ANKS1B: variants seen among roughly 807,000 people sequenced by gnomAD.
ANKS1B encodes the protein ankyrin repeat and sterile alpha motif domain containing 1B, also known as ankyrin repeat and sterile alpha motif domain-containing protein 1B.
Under a neutral mutation model 148.3 loss-of-function variants are expected in ANKS1B, and 36 were observed. The ratio of observed to expected loss-of-function variants is 0.24; its 90% CI spans 0.19 to 0.32. The LOEUF (loss-of-function observed/expected upper bound fraction) is 0.32. Ranked by LOEUF, ANKS1B falls within the 10% of genes least tolerant of loss-of-function variation. ANKS1B has a pLI of 1.00. For missense variants in ANKS1B, 1,157 were observed against 1,542.6 expected (o/e 0.75, Z 4.19); for synonymous variants, 542 against 560.8 (o/e 0.97, Z 0.47).
chr12:99,962,257 G>C (rs1321817869), intron 1 of ANKS1B, among the ~76,000 whole-genome samples: 2 of 151,938 alleles, frequency 1.3e-5, no homozygotes, highest in African/African-American at 4.8e-5. Context: ...GTGTCCATGT[G>C]TTCTCATTGC....
In ANKS1B at chr12:99,112,489, T is replaced by C. The variant is rs118152344; in HGVS notation, c.2527-27466A>G. Among the ~76,000 whole-genome samples, 722 of 152,050 alleles carry C rather than the reference T, an allele frequency of 4.7e-3. 29 individuals are homozygous for C. In the East Asian group the frequency reaches 0.11, roughly 24 times the overall value. On this transcript the variant is annotated intron_variant, in intron 15 of 26. Transcript: ENST00000683438. ...GATCAACATCTTGTCTTTTTTGTTGTTGTTGTTATTAGTGACATTTATTTT... is the reference window on the plus strand; with the variant it reads ...GATCAACATCTTGTCTTTTTTGTTGCTGTTGTTATTAGTGACATTTATTTT...
chr12:99,085,256 G>T (rs3825267), intron 15 of ANKS1B, among the ~76,000 whole-genome samples: 99,486 of 151,584 alleles, frequency 0.66, 32,898 homozygotes, highest in East Asian at 0.89. Flanking sequence ...ATATCCACAT[G>T]GGGTTATCTG....
chr12:99,798,828 C>A (rs1304691569), intron 4 of ANKS1B, among the ~76,000 whole-genome samples: 1 of 152,030 alleles, frequency 6.6e-6, no homozygotes, highest in East Asian at 1.9e-4. Context: ...CACTTCATAT[C>A]AAAGGAAGCA....
intron 24 of ANKS1B, among the ~76,000 whole-genome samples, chr12:98,779,790 CA>C (rs2098715734): frequency 6.6e-6 from 1 of 152,114 alleles, no homozygotes; most frequent in African/African-American, 2.4e-5. Context: ...GCAAATCAAT[CA>C]GCATTGTTCT....
At chr12:98,798,194 C>T (rs762159938) in intron 22 of ANKS1B, among the ~76,000 whole-genome samples, 2 of 150,788 alleles carry the variant, frequency 1.3e-5, no homozygotes, top group Non-Finnish European at 2.9e-5. Context: ...GAGATCTCAG[C>T]TCACTGCAAG....
In ANKS1B at chr12:99,512,677, T is replaced by A. The variant is rs531015382; in HGVS notation, c.1273-8036A>T. Among the ~76,000 whole-genome samples the A allele has an allele frequency of 2.6e-5, 4 of 152,180 alleles. No homozygotes were observed. In the East Asian group the frequency reaches 7.7e-4, roughly 29 times the overall value. On this transcript the variant is annotated intron_variant, in intron 9 of 26. Transcript: ENST00000683438. ...AAATGGCCACCAATGATAGACTGGA[T>A]AAAGAAAATGTGGTACATATACACC...
chr12:99,716,917 C>T (rs920096838), intron 8 of ANKS1B, among the ~76,000 whole-genome samples: 2 of 152,168 alleles, frequency 1.3e-5, no homozygotes, highest in African/African-American at 4.8e-5. Flanking sequence ...TTATCACCTC[C>T]CTTCCTCACA....
At chr12:99,498,725 T>A (rs952280681) in intron 10 of ANKS1B, among the ~76,000 whole-genome samples, 2 of 152,200 alleles carry the variant, frequency 1.3e-5, no homozygotes, top group Non-Finnish European at 1.5e-5. Context: ...GGATCAGAAC[T>A]ATAGGGTATT....
intron 1 of ANKS1B, among the ~76,000 whole-genome samples, chr12:99,923,789 C>A (rs1464989127): frequency 6.6e-6 from 1 of 152,022 alleles, no homozygotes; most frequent in Non-Finnish European, 1.5e-5. Context: ...TTATTCATGT[C>A]TCCCTCCTCC....
chr12:99,123,719 T>G (rs530095356), intron 15 of ANKS1B, among the ~76,000 whole-genome samples: 1 of 152,092 alleles, frequency 6.6e-6, no homozygotes, highest in African/African-American at 2.4e-5. Flanking sequence ...GCAGGAAGCA[T>G]AGTACAGGAG....
intron 8 of ANKS1B, among the ~76,000 whole-genome samples, chr12:99,759,617 G>A (rs1430258087): frequency 1.3e-5 from 2 of 151,944 alleles, no homozygotes; most frequent in Non-Finnish European, 2.9e-5. Context: ...TTGGCATTAG[G>A]CAGCAAAATG....
intron 9 of ANKS1B, among the ~76,000 whole-genome samples, chr12:99,561,091 C>T (rs561138093): frequency 3.9e-4 from 60 of 152,166 alleles, no homozygotes; most frequent in African/African-American, 1.4e-3. Flanking sequence ...TGTGATCCAC[C>T]CGCCTCGGCC....
intron 17 of ANKS1B, among the ~76,000 whole-genome samples, chr12:98,992,308 GC>G (rs982559297): frequency 6.6e-6 from 1 of 152,088 alleles, no homozygotes; most frequent in Non-Finnish European, 1.5e-5. Flanking sequence ...AGATCATTGT[GC>G]CCTCTGATAT....
chr12:99,191,255 A>C (rs1053628463), intron 14 of ANKS1B, among the ~76,000 whole-genome samples: 13 of 152,212 alleles, frequency 8.5e-5, no homozygotes, highest in African/African-American at 3.1e-4. Flanking sequence ...GTGGGAGTGA[A>C]ATGAGTTCAA....
Position 99,778,836 on chromosome 12 carries a change from G to A in ANKS1B, c.847+1035C>T, listed in dbSNP as rs80074535. On this transcript the variant is annotated intron_variant, in intron 6 of 26. Transcript: ENST00000683438. ...TTCCTTTTACTCCTCCTTGGCCTTT[G>A]TTGACTATTGTATCTACATGTTCCC... Among the ~76,000 whole-genome samples the A allele has an allele frequency of 5.6e-3, 856 of 152,208 alleles. 10 individuals carry two copies. Among genetic ancestry groups the A allele is most frequent in the African/African-American group, 0.02 (821 of 41,522 alleles).
At chr12:99,548,964 A>G (rs547588861) in intron 9 of ANKS1B, among the ~76,000 whole-genome samples, 5 of 152,210 alleles carry the variant, frequency 3.3e-5, no homozygotes, top group Non-Finnish European at 7.3e-5. Flanking sequence ...GATTAATGCA[A>G]TAATGGAGAA....
At chr12:99,473,874 C>T (rs1405326324) in intron 10 of ANKS1B, among the ~76,000 whole-genome samples, 1 of 152,036 alleles carries the variant, frequency 6.6e-6, no homozygotes, top group Admixed American at 6.6e-5. Flanking sequence ...TGTGACATGT[C>T]ATGCTAAGCA....
intron 1 of ANKS1B, among the ~76,000 whole-genome samples, chr12:99,980,009 CAGAA>C (rs1245323245): frequency 2.0e-5 from 3 of 150,688 alleles, no homozygotes; most frequent in East Asian, 1.9e-4. Flanking sequence ...ACTCAAGAGT[CAGAA>C]AGAAGAAAAA....
At chr12:98,973,731 A>T (rs2099886032) in intron 17 of ANKS1B, among the ~76,000 whole-genome samples, 1 of 152,130 alleles carries the variant, frequency 6.6e-6, no homozygotes, top group African/African-American at 2.4e-5. Context: ...CTATTATTAC[A>T]GTCTATTGTT....
Sources: gnomAD v4.1 joint callset for allele counts (sites outside exome capture counted in the v4.1 genomes callset) on GRCh38, gnomAD v4.1.1 for gene constraint, MANE v1.5 for transcripts, NCBI Gene and HGNC (gene_info 2026-07-23, HGNC 2026-07-21) for gene names.